HAGH: variants seen among roughly 807,000 people sequenced by gnomAD.
HAGH encodes hydroxyacylglutathione hydrolase, mitochondrial.
In HAGH, 29 loss-of-function variants were observed where a neutral mutation model predicts 35.1. The ratio of observed to expected loss-of-function variants is 0.83; its 90% CI spans 0.62 to 1.13. The LOEUF is 1.13. Among genes scored for constraint, HAGH ranks in the 50% most tolerant of loss-of-function variants. The pLI is 0.00. For synonymous variants in HAGH, 225 were observed against 176.1 expected, an observed-to-expected ratio of 1.28 and a Z score of -2.20; for missense variants, 478 against 419.6, an observed-to-expected ratio of 1.14 and a Z score of -1.22.
rs79226134 is a variant in HAGH at position 1,809,439 on chromosome 16, C to A, written c.828-57G>T. ...GCCGAGCCACGCCCACCGGAGGAGC[C>A]AGGGCCACTGCAGAGGAAGGCGACT... On this transcript the variant is annotated intron_variant, in intron 8 of 8. Coordinates refer to ENST00000397356, the MANE Select transcript of HAGH (RefSeq NM_005326.6). 7,211 of 1,392,030 alleles carry A rather than the reference C, an allele frequency of 5.2e-3. 246 individuals carry two copies. In the East Asian group the frequency reaches 0.086, roughly 17 times the overall value. The allele number at this position is 1,392,030 out of a possible 1,614,324, so 86.2% of individuals were successfully genotyped here.
rs1303409752 is a variant in HAGH, at chr16:1,821,941, TTTG to T, written c.314+356_314+358del. 4.0e-3 allele frequency: 704 copies of T among 175,972 alleles called. 12 individuals carry two copies. The East Asian group carries it at 0.05, about 12-fold the overall frequency. The allele number at this position is 175,972 out of a possible 1,614,324, so 10.9% of individuals were successfully genotyped here. A position where few individuals can be genotyped will look rare whatever the true frequency, so the allele number is the denominator to read the frequency against. ...GTGCCCGGCTGGCTGCTTGTTTTTT[TTTG>T]TTTTTTTGTTTTTTTTTTTTTTAAA... On this transcript the variant is annotated intron_variant, in intron 3 of 8. Transcript: ENST00000397356.
At position 1,809,397 on chromosome 16, in the gene HAGH, ACCGGGCTGCAGGCTGTG is replaced by A. The variant is rs1241180667; in HGVS notation, c.828-32_828-16del. ...CCGTCTTCTCCCTGCGGAGGCCAGC[ACCGGGCTGCAGGCTGTG>A]CCGAGCCACGCCCACCGGAGGAGCC... On this transcript the variant is annotated splice_polypyrimidine_tract_variant and intron_variant, in intron 8 of 8. Coordinates refer to ENST00000397356, the MANE Select transcript of HAGH (RefSeq NM_005326.6). 4 of 1,600,222 alleles carry A rather than the reference ACCGGGCTGCAGGCTGTG, an allele frequency of 2.5e-6. No homozygotes were observed. The highest frequency in any genetic ancestry group is 3.4e-6 in the Non-Finnish European group (4 of 1,174,130).
Position 1,826,788 on chromosome 16 carries a change from G to T in HAGH, c.-1C>A. 8.2e-7 allele frequency: 1 copy of T among 1,216,872 alleles called. No homozygotes were observed. The highest frequency in any genetic ancestry group is 4.0e-5 in the South Asian group (1 of 25,282). 75.4% of individuals were successfully genotyped at this position (1,216,872 alleles called of 1,614,324 possible). A position where few individuals can be genotyped will look rare whatever the true frequency, so the allele number is the denominator to read the frequency against. ...CGAGCAGCCCTCGGCCCACCACCAT[G>T]ACCCGGGCCGGGCTGGACTGCCGAG... On this transcript the variant is annotated 5_prime_UTR_variant, in exon 1 of 9. Transcript: ENST00000397356.
At chr16:1,819,861 G>A in intron 4 of HAGH, 36 bp downstream of exon 4, 2 of 1,324,716 alleles carry the variant, frequency 1.5e-6, no homozygotes, top group South Asian at 2.3e-5. Flanking sequence ...CTCCTGACAG[G>A]GCCACGCTGG....
At chr16:1,825,190 C>T (rs1217330037) in intron 1 of HAGH, among the ~76,000 whole-genome samples, 3 of 152,222 alleles carry the variant, frequency 2.0e-5, no homozygotes, top group Non-Finnish European at 2.9e-5. Flanking sequence ...TGGTGGCGAG[C>T]GCCTGTAGTC....
In HAGH at chr16:1,809,312, T is replaced by A; in HGVS notation, c.898A>T (p.Lys300Ter). ...VTTMRAVRRE[K>*]DQFKMPRD ...TCCCGGGGCATCTTGAACTGGTCCT[T>A]CTCCCTGCGCACGGCCCGCATGGTG... Residue 300 changes from lysine to a stop codon, truncating the protein, a stop_gained, in exon 9 of 9, where the codon AAG (lysine) becomes TAG (stop). Transcript: ENST00000397356. LOFTEE classifies it high-confidence loss of function. 1 of 1,613,512 alleles carries A rather than the reference T, an allele frequency of 6.2e-7. No individual in the cohort carries two copies. Among genetic ancestry groups the A allele is most frequent in the Non-Finnish European group, 8.5e-7 (1 of 1,179,638 alleles).
At chr16:1,814,960 T>C (rs55939403) in intron 7 of HAGH, among the ~76,000 whole-genome samples, 8 of 116,362 alleles carry the variant, frequency 6.9e-5, no homozygotes, top group Admixed American at 4.1e-4. Context: ...CACACACATA[T>C]ATATATATAT....
rs1281297614 is a variant in HAGH, at chr16:1,808,382, G to A, written c.*901C>T. The A allele has an allele frequency of 6.6e-6, 1 of 151,510 alleles. No homozygotes were observed. The highest frequency in any genetic ancestry group is 1.5e-5 in the Non-Finnish European group (1 of 67,898). 9.4% of individuals were successfully genotyped at this position (151,510 alleles called of 1,614,324 possible). A position where few individuals can be genotyped will look rare whatever the true frequency, so the allele number is the denominator to read the frequency against. The stretch of plus-strand genomic sequence containing the variant: ...GTGGCGCTATCTCGGCTCACTGCAA[G>A]CCCCGCCTCCTGGGTTCACACCATT... On this transcript the variant is annotated 3_prime_UTR_variant, in exon 9 of 9. Coordinates refer to ENST00000397356, the MANE Select transcript of HAGH (RefSeq NM_005326.6).
intron 4 of HAGH, chr16:1,819,691 T>C (rs1282080862): frequency 5.0e-6 from 3 of 604,004 alleles, no homozygotes; most frequent in Non-Finnish European, 8.9e-6. Context: ...CTCAGAGCCC[T>C]GCTTCACAGC....
chr16:1,816,558 T>C (rs1567255980), intron 7 of HAGH, among the ~76,000 whole-genome samples: 1 of 152,164 alleles, frequency 6.6e-6, no homozygotes, highest in East Asian at 1.9e-4. Flanking sequence ...ACCGTGGAGA[T>C]AAGAGTCCTT....
chr16:1,816,308 T>A (rs1897890828), intron 7 of HAGH, among the ~76,000 whole-genome samples: 1 of 151,776 alleles, frequency 6.6e-6, no homozygotes, highest in Admixed American at 6.6e-5. Context: ...ACCTCTACTC[T>A]AAGAAATTGA....
chr16:1,816,868 A>ACTG, intron 7 of HAGH, 25 bp downstream of exon 7: 1 of 1,419,226 alleles, frequency 7.0e-7, no homozygotes, highest in Non-Finnish European at 1.0e-6. Flanking sequence ...ACAGGAAGGC[A>ACTG]CTGCGCAGTG....
chr16:1,812,198 C>CAA (rs763735556), intron 7 of HAGH, among the ~76,000 whole-genome samples: 2,691 of 110,556 alleles, frequency 0.024, 95 homozygotes, highest in South Asian at 0.071. Flanking sequence ...TCTCCCCAAC[C>CAA]AAAAAAAAAA....
At chr16:1,819,867 G>T in intron 4 of HAGH, 30 bp downstream of exon 4, 2 of 1,388,710 alleles carry the variant, frequency 1.4e-6, no homozygotes, top group Non-Finnish European at 2.1e-6. Flanking sequence ...ACAGGGCCAC[G>T]CTGGAGCACC....
At chr16:1,823,609 G>T (rs897651879) in intron 1 of HAGH, among the ~76,000 whole-genome samples, 1 of 151,540 alleles carries the variant, frequency 6.6e-6, no homozygotes, top group Non-Finnish European at 1.5e-5. Context: ...CAGGCATGGT[G>T]GTGCATGCCT....
intron 7 of HAGH, among the ~76,000 whole-genome samples, chr16:1,814,961 A>C (rs1372215479): frequency 1.6e-5 from 2 of 125,544 alleles, no homozygotes; most frequent in African/African-American, 6.8e-5. Flanking sequence ...ACACACATAT[A>C]TATATATATC....
chr16:1,812,933 G>A (rs1177382620), intron 7 of HAGH, among the ~76,000 whole-genome samples: 2 of 152,150 alleles, frequency 1.3e-5, no homozygotes, highest in African/African-American at 2.4e-5. Flanking sequence ...GTGTGCCCAC[G>A]CCTTCCCAGC....
chr16:1,817,057 C>CG, intron 6 of HAGH, 63 bp from the exon 7 acceptor site: 1 of 1,380,834 alleles, frequency 7.2e-7, no homozygotes, highest in East Asian at 2.3e-5. Context: ...TCCTCAGGGA[C>CG]GGGACCTGGA....
At chr16:1,810,309 C>T in intron 7 of HAGH, 1 of 164,002 alleles carries the variant, frequency 6.1e-6, no homozygotes, top group Non-Finnish European at 1.3e-5. Context: ...ATCCGCCTTC[C>T]CGCACCGGCC....
Sources: allele counts gnomAD v4.1 joint callset (sites outside exome capture counted in the v4.1 genomes callset), GRCh38; gene constraint gnomAD v4.1.1; transcripts MANE v1.5; gene names NCBI Gene and HGNC (gene_info 2026-07-23, HGNC 2026-07-21).